The following TRAP1 variants were observed in gnomAD, a reference collection of about 807,000 sequenced individuals.
TRAP1 encodes heat shock protein 75 kDa, mitochondrial.
A neutral mutation model predicts 89.1 loss-of-function variants in TRAP1; 102 were observed. That is an observed-to-expected ratio of 1.15 (90% CI 0.98 to 1.35). The LOEUF (loss-of-function observed/expected upper bound fraction) is 1.35. Ranked by LOEUF, TRAP1 falls within the 40% of genes most tolerant of loss-of-function variation. The pLI is 0.00. For missense variants in TRAP1, 1,256 were observed against 945.3 expected, an observed-to-expected ratio of 1.33 and a Z score of -4.31; for synonymous variants, 508 against 388.0, an observed-to-expected ratio of 1.31 and a Z score of -3.64.
chr16:3,676,073 G>T lies in TRAP1; in HGVS notation c.777C>A (p.Ser259=). The T allele has an allele frequency of 6.2e-7, 1 of 1,613,804 alleles. No homozygotes were observed. Residue 259 remains serine, a synonymous_variant, in exon 7 of 18, where the codon TCC becomes TCA. Transcript: ENST00000246957. The stretch of plus-strand genomic sequence containing the variant: ...CCTCGCTGGAAAACTCCTTGCAGTC[G>T]GATTTCAGGTGGATGATGATTTTTG... ...TGTKIIIHLK[S]DCKEFSSEAR... is the part of the protein sequence containing the mutation.
intron 1 of TRAP1, among the ~76,000 whole-genome samples, chr16:3,717,105 C>T (rs946058505): frequency 6.6e-6 from 1 of 152,240 alleles, no homozygotes; most frequent in East Asian, 1.9e-4. Context: ...CCTGCACGTG[C>T]GCTACCTGAC....
At chr16:3,672,949 G>A (rs2050935047) in intron 9 of TRAP1, 129 bp from the exon 10 acceptor site, 1 of 1,365,746 alleles carries the variant, frequency 7.3e-7, no homozygotes, top group Non-Finnish European at 9.7e-7. Flanking sequence ...CGTCTGCTCT[G>A]AGTTGAAGCC....
In TRAP1 at chr16:3,696,188, A is replaced by G. The variant is rs2051284876; in HGVS notation, c.89-5203T>C. On this transcript the variant is annotated intron_variant, in intron 1 of 17. Coordinates refer to ENST00000246957, the MANE Select transcript of TRAP1 (RefSeq NM_016292.3). ...CGGCTGGTCACCCTACCTGGCAGCC[A>G]GATCTTGGTTTGTGAATACCTCTCT... is the stretch of plus-strand genomic sequence containing the variant. 4.6e-5 allele frequency among the ~76,000 whole-genome samples: 7 copies of G among 152,286 alleles called. No individual in the cohort carries two copies. In the South Asian group the frequency reaches 1.5e-3, roughly 32 times the overall value.
intron 6 of TRAP1, 166 bp from the exon 7 acceptor site, chr16:3,676,311 G>A: frequency 3.0e-6 from 1 of 329,454 alleles, no homozygotes. Flanking sequence ...GCCATCACAT[G>A]CCCATCAGGA....
At chr16:3,689,241 AC>A (rs2051179412) in intron 2 of TRAP1, 104 bp from the exon 3 acceptor site, 65 of 886,590 alleles carry the variant, frequency 7.3e-5, no homozygotes, top group Middle Eastern at 2.6e-4. Context: ...TGAGTTTTAA[AC>A]TTTTTTTTTT....
intron 1 of TRAP1, among the ~76,000 whole-genome samples, chr16:3,707,362 T>A: frequency 6.6e-6 from 1 of 151,304 alleles, no homozygotes; most frequent in Non-Finnish European, 1.5e-5. Flanking sequence ...ATGTTTTGTA[T>A]TTTTAGTAGA....
intron 1 of TRAP1, among the ~76,000 whole-genome samples, chr16:3,712,733 G>C (rs2051548881): frequency 6.6e-6 from 1 of 152,148 alleles, no homozygotes; most frequent in Non-Finnish European, 1.5e-5. Context: ...TCGTGCCTCA[G>C]CCTCCCAAGT....
chr16:3,665,748 C>G (rs2050816600), intron 12 of TRAP1, among the ~76,000 whole-genome samples: 1 of 152,200 alleles, frequency 6.6e-6, no homozygotes, highest in South Asian at 2.1e-4. Context: ...AGGCTGAGCC[C>G]TTCAGAGCAC....
chr16:3,706,299 G>A (rs184313262), intron 1 of TRAP1, among the ~76,000 whole-genome samples: 28 of 151,870 alleles, frequency 1.8e-4, no homozygotes, highest in Middle Eastern at 3.4e-3. Context: ...GGTGGGGTGG[G>A]GGTCTCACTA....
At chr16:3,672,583 G>A (rs1202482357) in intron 10 of TRAP1, 117 bp downstream of exon 10, 61 of 1,431,970 alleles carry the variant, frequency 4.3e-5, no homozygotes, top group Non-Finnish European at 5.1e-5. Flanking sequence ...AGCGCAGGCC[G>A]ACGGCGGTGC....
At chr16:3,702,213 C>T (rs760051049) in intron 1 of TRAP1, among the ~76,000 whole-genome samples, 4 of 150,906 alleles carry the variant, frequency 2.7e-5, no homozygotes, top group Non-Finnish European at 5.9e-5. Context: ...ATGGACACAT[C>T]GGATGAGGAA....
intron 1 of TRAP1, among the ~76,000 whole-genome samples, chr16:3,714,846 T>C (rs1281356383): frequency 1.3e-5 from 2 of 152,186 alleles, no homozygotes; most frequent in African/African-American, 4.8e-5. Flanking sequence ...CTGGAAATAC[T>C]TTCCCAAGAA....
intron 1 of TRAP1, 180 bp from the exon 2 acceptor site, chr16:3,691,165 A>G (rs2051209369): frequency 2.0e-6 from 1 of 496,056 alleles, no homozygotes; most frequent in Non-Finnish European, 3.4e-6. Flanking sequence ...TTTGGCAAGG[A>G]GCCCTCACAG....
chr16:3,676,928 C>T (rs1367537169), intron 6 of TRAP1: 3 of 153,536 alleles, frequency 2.0e-5, no homozygotes, highest in Non-Finnish European at 2.9e-5. Flanking sequence ...GTGGCATGCG[C>T]CTGTAGTCCC....
chr16:3,709,654 TTG>T (rs538895435), intron 1 of TRAP1, among the ~76,000 whole-genome samples: 7 of 151,892 alleles, frequency 4.6e-5, no homozygotes, highest in African/African-American at 1.7e-4. Flanking sequence ...TCCCTTTTTT[TTG>T]TGTGTGTGTG....
At chr16:3,708,887 C>CT (rs2051487811) in intron 1 of TRAP1, among the ~76,000 whole-genome samples, 1 of 148,444 alleles carries the variant, frequency 6.7e-6, no homozygotes, top group Non-Finnish European at 1.5e-5. Context: ...GCGATCGCGG[C>CT]TCACTGCAAG....
At chr16:3,703,551 T>C (rs908192493) in intron 1 of TRAP1, among the ~76,000 whole-genome samples, 1 of 151,944 alleles carries the variant, frequency 6.6e-6, no homozygotes, top group African/African-American at 2.4e-5. Flanking sequence ...GCCACGCAGA[T>C]CTCTGCAAGG....
chr16:3,663,870 G>C (rs1042879245), intron 13 of TRAP1: 10 of 388,290 alleles, frequency 2.6e-5, no homozygotes, highest in African/African-American at 1.4e-4. Flanking sequence ...TCAGGAGTTC[G>C]AGACCAACAT....
At chr16:3,685,602 C>T (rs1235097185) in intron 4 of TRAP1, among the ~76,000 whole-genome samples, 1 of 152,136 alleles carries the variant, frequency 6.6e-6, no homozygotes, top group East Asian at 1.9e-4. Context: ...TTAAAATTTC[C>T]ACAAGGCTAC....
Sources: gnomAD v4.1 joint callset for allele counts (sites outside exome capture counted in the v4.1 genomes callset) on GRCh38, gnomAD v4.1.1 for gene constraint, MANE v1.5 for transcripts, NCBI Gene and HGNC (gene_info 2026-07-23, HGNC 2026-07-21) for gene names.